The following DENND5A variants were observed in gnomAD, a reference collection of about 807,000 sequenced individuals.
The protein encoded by DENND5A is DENN domain-containing protein 5A.
A neutral mutation model predicts 140.3 loss-of-function variants in DENND5A; 64 were observed. That is an observed-to-expected ratio of 0.46 (90% CI 0.37 to 0.56). The LOEUF is 0.56. Among genes scored for constraint, DENND5A ranks in the 20% least tolerant of loss-of-function variants. The probability of loss-of-function intolerance (pLI) is 0.00; values close to 1 mark genes in which losing one functional copy is unlikely to be tolerated. For missense variants in DENND5A, 1,292 were observed against 1,593.8 expected, an observed-to-expected ratio of 0.81 and a Z score of 3.22; for synonymous variants, 605 against 607.7, an observed-to-expected ratio of 1.00 and a Z score of 0.07.
chr11:9,165,784 T>A, intron 11 of DENND5A, 52 bp downstream of exon 11: 1 of 1,605,400 alleles, frequency 6.2e-7, no homozygotes, highest in Non-Finnish European at 8.5e-7. Flanking sequence ...TCCTTGGTCT[T>A]ACCTTGGCTG....
intron 1 of DENND5A, among the ~76,000 whole-genome samples, chr11:9,234,890 G>C (rs1028298366): frequency 6.6e-6 from 1 of 152,060 alleles, no homozygotes; most frequent in African/African-American, 2.4e-5. Context: ...CTCTGTTCAA[G>C]GCTCTCAGCT....
At position 9,203,947 on chromosome 11, in the gene DENND5A, C is replaced by T; in HGVS notation, c.662G>A (p.Ser221Asn). Residue 221 changes from serine (S) to asparagine (N), a missense_variant, in exon 4 of 23, where the codon AGC becomes AAC. By Grantham distance (46) the Ser-to-Asn change is conservative. Coordinates refer to ENST00000328194, the MANE Select transcript of DENND5A (RefSeq NM_015213.4). ...TPMSFMKACR[S>N]VLEQLHQAVT... ...TGCCTGGTGGAGTTGCTCCAGCACG[C>T]TCCGACATGCCTTCATGAAAGACAT... 6.2e-7 allele frequency: 1 copy of T among 1,614,120 alleles called. No homozygotes were observed. Among genetic ancestry groups the T allele is most frequent in the Non-Finnish European group, 8.5e-7 (1 of 1,180,020 alleles).
chr11:9,233,462 G>C (rs1378625193), intron 1 of DENND5A, among the ~76,000 whole-genome samples: 1 of 151,106 alleles, frequency 6.6e-6, no homozygotes, highest in Non-Finnish European at 1.5e-5. Flanking sequence ...TGGGTTGAAT[G>C]GTGGCCCCAA....
chr11:9,200,915 C>G (rs1310055942), intron 4 of DENND5A, among the ~76,000 whole-genome samples: 1 of 152,146 alleles, frequency 6.6e-6, no homozygotes, highest in Non-Finnish European at 1.5e-5. Context: ...ATATACCAGC[C>G]ACAGTTTTAG....
intron 1 of DENND5A, among the ~76,000 whole-genome samples, chr11:9,214,117 C>T (rs1378934614): frequency 1.3e-5 from 2 of 152,208 alleles, no homozygotes; most frequent in African/African-American, 2.4e-5. Flanking sequence ...ATTTCCCACA[C>T]TAAAAGATGG....
chr11:9,208,336 G>A (rs1053627643), intron 1 of DENND5A, among the ~76,000 whole-genome samples: 20 of 152,340 alleles, frequency 1.3e-4, no homozygotes, highest in Admixed American at 9.8e-4. Flanking sequence ...TCCTGTTTGC[G>A]TGTGCTAGTT....
At chr11:9,263,245 C>G (rs1290289283) in intron 1 of DENND5A, among the ~76,000 whole-genome samples, 1 of 151,758 alleles carries the variant, frequency 6.6e-6, no homozygotes, top group African/African-American at 2.4e-5. Flanking sequence ...CTTTATCACC[C>G]AGACTGGAGT....
chr11:9,234,738 T>G (rs377195563), intron 1 of DENND5A, among the ~76,000 whole-genome samples: 232 of 152,366 alleles, frequency 1.5e-3, no homozygotes, highest in South Asian at 0.013. Flanking sequence ...AAGGACGTGC[T>G]CCTGCTGTAG....
chr11:9,243,883 C>T (rs1169135288), intron 1 of DENND5A, among the ~76,000 whole-genome samples: 1 of 152,184 alleles, frequency 6.6e-6, no homozygotes, highest in African/African-American at 2.4e-5. Flanking sequence ...GAGACTCCAT[C>T]TCACACACAC....
intron 1 of DENND5A, among the ~76,000 whole-genome samples, chr11:9,223,708 G>A (rs1254912916): frequency 6.6e-6 from 1 of 152,258 alleles, no homozygotes; most frequent in East Asian, 1.9e-4. Flanking sequence ...AACAGAGCAA[G>A]CAAGAGAGAA....
In DENND5A at chr11:9,198,309, T is replaced by TA. The variant is rs762423564; in HGVS notation, c.950-4629dup. Among the ~76,000 whole-genome samples the TA allele has an allele frequency of 5.8e-3, 808 of 138,918 alleles. 3 individuals are homozygous for TA. The highest frequency in any genetic ancestry group is 0.022 in the Middle Eastern group (6 of 268). 91.1% of individuals were successfully genotyped at this position (138,918 alleles called of 152,430 possible). ...TGCAAGGTTCTTTATCACTCCACTTTAAAAAAAAAAAAAAAGTAACCAGGG... is the reference window on the plus strand; with the variant it reads ...TGCAAGGTTCTTTATCACTCCACTTTAAAAAAAAAAAAAAAAGTAACCAGGG... On this transcript the variant is annotated intron_variant, in intron 4 of 22. Transcript: ENST00000328194.
At chr11:9,206,451 C>A (rs1849693854) in intron 3 of DENND5A, among the ~76,000 whole-genome samples, 2 of 152,148 alleles carry the variant, frequency 1.3e-5, no homozygotes, top group Admixed American at 6.6e-5. Flanking sequence ...CTATGTATTT[C>A]TCTGACACAA....
chr11:9,245,748 C>T (rs1273294197), intron 1 of DENND5A, among the ~76,000 whole-genome samples: 1 of 152,038 alleles, frequency 6.6e-6, no homozygotes, highest in African/African-American at 2.4e-5. Flanking sequence ...ATTCTCCTGC[C>T]TCAGCCTCCC....
chr11:9,169,375 G>T (rs566887372), intron 10 of DENND5A, among the ~76,000 whole-genome samples: 3 of 152,198 alleles, frequency 2.0e-5, no homozygotes, highest in African/African-American at 7.2e-5. Context: ...GAACCCAGGA[G>T]ATGGAGGCTG....
intron 11 of DENND5A, among the ~76,000 whole-genome samples, chr11:9,163,720 C>G (rs1021545704): frequency 6.6e-6 from 1 of 150,698 alleles, no homozygotes; most frequent in Non-Finnish European, 1.5e-5. Flanking sequence ...ACGAGAATTG[C>G]TTGAACCTGG....
At chr11:9,161,881 C>A (rs550676658) in intron 11 of DENND5A, among the ~76,000 whole-genome samples, 16 of 151,694 alleles carry the variant, frequency 1.1e-4, no homozygotes, top group African/African-American at 3.9e-4. Context: ...GTTTAATTCT[C>A]TTAAGTAACT....
At chr11:9,152,922 C>T (rs969555182) in intron 12 of DENND5A, among the ~76,000 whole-genome samples, 8 of 150,762 alleles carry the variant, frequency 5.3e-5, no homozygotes, top group Non-Finnish European at 1.0e-4. Flanking sequence ...CACTTGAACC[C>T]GGGAGGCAGA....
chr11:9,141,875 A>AC, intron 22 of DENND5A, 65 bp downstream of exon 22: 2 of 1,465,156 alleles, frequency 1.4e-6, no homozygotes, highest in Non-Finnish European at 1.8e-6. Flanking sequence ...CCTGCACTGC[A>AC]CCAGGCCTCC....
chr11:9,186,519 C>T (rs76602218), intron 5 of DENND5A, among the ~76,000 whole-genome samples: 1,836 of 152,328 alleles, frequency 0.012, 35 homozygotes, highest in African/African-American at 0.041. Flanking sequence ...AACACAGAAA[C>T]AGCTAGAAAT....
Sources: gnomAD v4.1 joint callset for allele counts (sites outside exome capture counted in the v4.1 genomes callset) on GRCh38, gnomAD v4.1.1 for gene constraint, MANE v1.5 for transcripts, NCBI Gene and HGNC (gene_info 2026-07-23, HGNC 2026-07-21) for gene names.